Variants in MMP16 observed in about 807,000 individuals in gnomAD.
MMP16 encodes matrix metalloproteinase-16.
A neutral mutation model predicts 67.8 loss-of-function variants in MMP16; 12 were observed. The observed-to-expected ratio is 0.18, with a 90% confidence interval of 0.11 to 0.29. The LOEUF (loss-of-function observed/expected upper bound fraction) is 0.29, where lower values mean the gene tolerates loss of function less well. Ranked by LOEUF, MMP16 falls within the 10% of genes least tolerant of loss-of-function variation. The probability of loss-of-function intolerance (pLI) is 1.00; values close to 1 mark genes in which losing one functional copy is unlikely to be tolerated. For missense variants in MMP16, 475 were observed against 765.7 expected, an observed-to-expected ratio of 0.62 and a Z score of 4.48; for synonymous variants, 249 against 255.9, an observed-to-expected ratio of 0.97 and a Z score of 0.26.
intron 1 of MMP16, among the ~76,000 whole-genome samples, chr8:88,214,709 A>G (rs959576327): frequency 2.0e-5 from 3 of 152,178 alleles, no homozygotes; most frequent in Non-Finnish European, 4.4e-5. Flanking sequence ...TATAGTTATC[A>G]TGTTGTATAA....
At chr8:88,163,820 T>G (rs1808669748) in intron 4 of MMP16, among the ~76,000 whole-genome samples, 1 of 152,102 alleles carries the variant, frequency 6.6e-6, no homozygotes, top group Admixed American at 6.6e-5. Flanking sequence ...TGATACATAT[T>G]TTCTATTTTG....
chr8:88,288,357 CTTTTTTT>C (rs201359880), intron 1 of MMP16, among the ~76,000 whole-genome samples: 7 of 150,592 alleles, frequency 4.6e-5, no homozygotes, highest in African/African-American at 1.5e-4. Flanking sequence ...TTTCTTTTTT[CTTTTTTT>C]TTCCAGAAAA....
chr8:88,311,501 G>A (rs1811293912), intron 1 of MMP16, among the ~76,000 whole-genome samples: 1 of 152,134 alleles, frequency 6.6e-6, no homozygotes, highest in African/African-American at 2.4e-5. Flanking sequence ...TTTTTGTTAA[G>A]CCAGATATTT....
At chr8:88,286,537 A>G (rs1264621362) in intron 1 of MMP16, among the ~76,000 whole-genome samples, 2 of 152,052 alleles carry the variant, frequency 1.3e-5, no homozygotes, top group African/African-American at 2.4e-5. Context: ...AGTGAATGTC[A>G]CTGTCATTCA....
At chr8:88,304,082 G>A (rs1391934110) in intron 1 of MMP16, among the ~76,000 whole-genome samples, 1 of 152,162 alleles carries the variant, frequency 6.6e-6, no homozygotes, top group Non-Finnish European at 1.5e-5. Flanking sequence ...AGCCAGAATA[G>A]CCAGTTTTGA....
At chr8:88,068,558 T>C (rs1808493083) in intron 7 of MMP16, among the ~76,000 whole-genome samples, 1 of 152,162 alleles carries the variant, frequency 6.6e-6, no homozygotes, top group Non-Finnish European at 1.5e-5. Flanking sequence ...CATATTTTCG[T>C]ATAGTACAGG....
At chr8:88,262,502 T>C (rs1810402030) in intron 1 of MMP16, among the ~76,000 whole-genome samples, 3 of 152,190 alleles carry the variant, frequency 2.0e-5, no homozygotes, top group Admixed American at 2.0e-4. Flanking sequence ...AAGTACACAC[T>C]TGAGGCTCCT....
In MMP16 at chr8:88,167,660, T is replaced by C. The variant is rs760595755; in HGVS notation, c.709+9A>G. On this transcript the variant is annotated intron_variant, in intron 4 of 9. Coordinates refer to ENST00000286614, the MANE Select transcript of MMP16 (RefSeq NM_005941.5). ...AAATATTTACACTGTAAAACAAACA[T>C]GTACTTACCATCATGATTAGGATTT... 2 of 1,596,406 alleles carry C rather than the reference T, an allele frequency of 1.3e-6. No homozygotes were observed. Among genetic ancestry groups the C allele is most frequent in the African/African-American group, 1.3e-5 (1 of 74,366 alleles).
At chr8:88,318,818 GT>G (rs1414695414) in intron 1 of MMP16, among the ~76,000 whole-genome samples, 2 of 152,138 alleles carry the variant, frequency 1.3e-5, no homozygotes, top group African/African-American at 4.8e-5. Context: ...AATTAACATT[GT>G]TTTTTATTAT....
At chr8:88,197,775 T>C (rs909704058) in intron 1 of MMP16, among the ~76,000 whole-genome samples, 2 of 152,178 alleles carry the variant, frequency 1.3e-5, no homozygotes, top group African/African-American at 4.8e-5. Context: ...CTATGACGTG[T>C]AGCATCTTTA....
intron 1 of MMP16, among the ~76,000 whole-genome samples, chr8:88,274,876 G>T (rs1390265331): frequency 2.6e-5 from 4 of 151,846 alleles, no homozygotes; most frequent in Non-Finnish European, 1.5e-5. Context: ...ACCTGAAAAA[G>T]AAAAGTTCAA....
chr8:88,213,337 A>T (rs1809540824), intron 1 of MMP16, among the ~76,000 whole-genome samples: 1 of 152,322 alleles, frequency 6.6e-6, no homozygotes, highest in East Asian at 1.9e-4. Flanking sequence ...ACGTTTGAGA[A>T]TGAGAAAAAA....
At chr8:88,206,271 G>A (rs1231835355) in intron 1 of MMP16, among the ~76,000 whole-genome samples, 1 of 152,022 alleles carries the variant, frequency 6.6e-6, no homozygotes, top group East Asian at 1.9e-4. Flanking sequence ...ACCCCAAACT[G>A]AAACTATATA....
chr8:88,241,734 A>C (rs898491882), intron 1 of MMP16, among the ~76,000 whole-genome samples: 6 of 152,164 alleles, frequency 3.9e-5, no homozygotes, highest in Middle Eastern at 3.5e-3. Flanking sequence ...ACAAATAATA[A>C]TTGTATATAT....
intron 6 of MMP16, among the ~76,000 whole-genome samples, chr8:88,081,986 G>A (rs1808759289): frequency 6.6e-6 from 1 of 151,914 alleles, no homozygotes; most frequent in African/African-American, 2.4e-5. Flanking sequence ...GAACCAACAA[G>A]GCTGCTAACA....
At chr8:88,273,597 A>G (rs1810600381) in intron 1 of MMP16, among the ~76,000 whole-genome samples, 1 of 152,162 alleles carries the variant, frequency 6.6e-6, no homozygotes, top group East Asian at 1.9e-4. Flanking sequence ...TTTCCTAATT[A>G]GAATGTTTGA....
intron 2 of MMP16, among the ~76,000 whole-genome samples, chr8:88,190,414 C>A (rs543414689): frequency 6.6e-6 from 1 of 152,232 alleles, no homozygotes; most frequent in South Asian, 2.1e-4. Context: ...CAGGCAGGTT[C>A]TTTCTTATGG....
intron 1 of MMP16, among the ~76,000 whole-genome samples, chr8:88,259,917 G>A (rs2129945119): frequency 6.6e-6 from 1 of 152,242 alleles, no homozygotes; most frequent in Non-Finnish European, 1.5e-5. Flanking sequence ...AAACTGGTGT[G>A]AATAAGTCAG....
At chr8:88,158,496 G>T (rs939858292) in intron 4 of MMP16, among the ~76,000 whole-genome samples, 3 of 152,130 alleles carry the variant, frequency 2.0e-5, no homozygotes, top group Non-Finnish European at 4.4e-5. Flanking sequence ...CATATCCTTT[G>T]CCCACTTTTT....
Sources: gnomAD v4.1 joint callset for allele counts (sites outside exome capture counted in the v4.1 genomes callset) on GRCh38, gnomAD v4.1.1 for gene constraint, MANE v1.5 for transcripts, NCBI Gene and HGNC (gene_info 2026-07-23, HGNC 2026-07-21) for gene names.